The following CCDC73 variants were observed in gnomAD, a reference collection of about 807,000 sequenced individuals.
The protein encoded by CCDC73 is coiled-coil domain-containing protein 73.
In CCDC73, 95 loss-of-function variants were observed where a neutral mutation model predicts 116.5. The ratio of observed to expected loss-of-function variants is 0.82; its 90% confidence interval spans 0.69 to 0.97. CCDC73 has a LOEUF of 0.97. Ranked by LOEUF, CCDC73 falls within the 50% of genes least tolerant of loss-of-function variation. The pLI is 0.00. For synonymous variants in CCDC73, 398 were observed against 401.3 expected, an observed-to-expected ratio of 0.99 and a Z score of 0.10; for missense variants, 1,066 against 1,206.8, an observed-to-expected ratio of 0.88 and a Z score of 1.73.
chr11:32,708,967 G>A (rs1004074304), intron 3 of CCDC73, among the ~76,000 whole-genome samples: 4 of 152,080 alleles, frequency 2.6e-5, no homozygotes, highest in Non-Finnish European at 5.9e-5. Flanking sequence ...GGTGAAAGTG[G>A]GCATCCTTGT....
At chr11:32,665,756 A>G (rs202217854) in intron 9 of CCDC73, among the ~76,000 whole-genome samples, 2 of 152,274 alleles carry the variant, frequency 1.3e-5, no homozygotes, top group African/African-American at 2.4e-5. Flanking sequence ...CCTAGCATCA[A>G]TGGTCTCTAC....
intron 7 of CCDC73, among the ~76,000 whole-genome samples, chr11:32,679,394 C>G (rs1856123977): frequency 6.6e-6 from 1 of 151,996 alleles, no homozygotes; most frequent in Non-Finnish European, 1.5e-5. Flanking sequence ...GATGGAGTCT[C>G]TCTCTGTCAC....
At chr11:32,681,001 T>G (rs1471640916) in intron 7 of CCDC73, 1 of 152,030 alleles carries the variant, frequency 6.6e-6, no homozygotes, top group Non-Finnish European at 1.5e-5. Flanking sequence ...ACATAATATT[T>G]ATGATTATGA....
chr11:32,750,416 T>A (rs185911019), intron 2 of CCDC73, among the ~76,000 whole-genome samples: 1 of 152,304 alleles, frequency 6.6e-6, no homozygotes, highest in East Asian at 1.9e-4. Context: ...CAGTCTTGTA[T>A]CCTTCTTTTC....
chr11:32,615,942 T>A lies in CCDC73; in HGVS notation c.1373A>T (p.Asp458Val). 1 of 1,542,816 alleles carries A rather than the reference T, an allele frequency of 6.5e-7. No individual in the cohort carries two copies. The highest frequency in any genetic ancestry group is 1.2e-5 in the South Asian group (1 of 84,866). ...EGSFIEEIIIDDLQLFEKSFK... is the reference protein window; with the variant it reads ...EGSFIEEIIIVDLQLFEKSFK... ...TATCAATATAATTTTAAGGTTACCATCTATAATTATTTCCTCTATAAATGA... is the reference window on the plus strand; with the variant it reads ...TATCAATATAATTTTAAGGTTACCAACTATAATTATTTCCTCTATAAATGA... The change falls in exon 15 of 18, where the codon GAT (aspartate) becomes GTT (valine). Residue 458 changes from aspartate to valine, a missense_variant and splice_region_variant. Coordinates refer to ENST00000335185, the MANE Select transcript of CCDC73 (RefSeq NM_001008391.4).
chr11:32,781,050 G>A (rs1004929429), intron 1 of CCDC73, among the ~76,000 whole-genome samples: 1 of 152,180 alleles, frequency 6.6e-6, no homozygotes, highest in African/African-American at 2.4e-5. Context: ...TAGGAGGATT[G>A]CTTGAGCCCA....
At chr11:32,817,516 A>C in the CCDC73 span, among the ~76,000 whole-genome samples, 1 of 152,178 alleles carries the variant, frequency 6.6e-6, no homozygotes, top group Non-Finnish European at 1.5e-5. Flanking sequence ...TCATCCACTA[A>C]ATTTTTTAAC....
At position 32,632,603 on chromosome 11, in the gene CCDC73, T is replaced by A. The variant is rs776610059; in HGVS notation, c.1185+3093A>T. On this transcript the variant is annotated intron_variant, in intron 14 of 17. Coordinates refer to ENST00000335185, the MANE Select transcript of CCDC73 (RefSeq NM_001008391.4). ...CCAAGTCTTCTGTATCCTTACAGAT[T>A]GTGTGTGTGTGTGTGTATGTGTGTA... is the stretch of plus-strand genomic sequence containing the variant. Among the ~76,000 whole-genome samples the A allele has an allele frequency of 3.3e-4, 49 of 147,920 alleles. 1 individual carries two copies. Among genetic ancestry groups the A allele is most frequent in the Non-Finnish European group, 8.9e-5 (6 of 67,330 alleles).
At chr11:32,669,480 T>A (rs1358339304) in intron 9 of CCDC73, among the ~76,000 whole-genome samples, 1 of 152,128 alleles carries the variant, frequency 6.6e-6, no homozygotes, top group Admixed American at 6.5e-5. Context: ...CAATTACTAT[T>A]TAGTTATTTT....
At chr11:32,613,291 A>G (rs1278913114) in intron 16 of CCDC73, 131 bp downstream of exon 16, 19 of 750,322 alleles carry the variant, frequency 2.5e-5, no homozygotes, top group Non-Finnish European at 3.8e-5. Context: ...AAAACAAAAG[A>G]ATATTAAGTT....
intron 3 of CCDC73, among the ~76,000 whole-genome samples, chr11:32,708,527 A>C (rs1213790429): frequency 6.6e-6 from 1 of 152,192 alleles, no homozygotes; most frequent in Admixed American, 6.5e-5. Flanking sequence ...GATTCTAGTT[A>C]TCCATGAGCA....
At chr11:32,803,239 C>T in the CCDC73 span, among the ~76,000 whole-genome samples, 8 of 152,126 alleles carry the variant, frequency 5.3e-5, no homozygotes, top group South Asian at 2.1e-4. Context: ...TACAGATGTG[C>T]GCCACCACAT....
chr11:32,776,987 A>ATC (rs1850540816), intron 1 of CCDC73, among the ~76,000 whole-genome samples: 1 of 39,292 alleles, frequency 2.5e-5, no homozygotes. Flanking sequence ...ATATATACAC[A>ATC]TGTATATATA....
intron 3 of CCDC73, among the ~76,000 whole-genome samples, chr11:32,714,979 G>A (rs1849931997): frequency 6.6e-6 from 1 of 152,074 alleles, no homozygotes; most frequent in Non-Finnish European, 1.5e-5. Flanking sequence ...GAATGGTTGT[G>A]ACAGAGACCA....
At chr11:32,761,710 G>A (rs12792258) in intron 1 of CCDC73, among the ~76,000 whole-genome samples, 1 of 151,994 alleles carries the variant, frequency 6.6e-6, no homozygotes, top group African/African-American at 2.4e-5. Flanking sequence ...ATATGGGGGG[G>A]TGTATGTATA....
intron 4 of CCDC73, among the ~76,000 whole-genome samples, chr11:32,701,345 T>C (rs1024165580): frequency 6.6e-6 from 1 of 152,226 alleles, no homozygotes; most frequent in African/African-American, 2.4e-5. Flanking sequence ...ACAGTATTTA[T>C]GTTCAAGAAT....
At chr11:32,786,997 A>T in intron 1 of CCDC73, among the ~76,000 whole-genome samples, 1 of 152,150 alleles carries the variant, frequency 6.6e-6, no homozygotes, top group African/African-American at 2.4e-5. Flanking sequence ...ATGAGCCTGT[A>T]AGATTTTGCC....
chr11:32,614,478 C>T lies in CCDC73; in HGVS notation c.1840G>A (p.Ala614Thr), dbSNP rs760831794. 1 of 1,613,394 alleles carries T rather than the reference C, an allele frequency of 6.2e-7. No homozygotes were observed. The highest frequency in any genetic ancestry group is 8.5e-7 in the Non-Finnish European group (1 of 1,179,620). Residue 614 changes from alanine (A) to threonine (T), a missense_variant, in exon 16 of 18, where the codon GCT becomes ACT. By Grantham distance (58) the Ala-to-Thr change is moderately conservative (BLOSUM62 0). Coordinates refer to ENST00000335185, the MANE Select transcript of CCDC73 (RefSeq NM_001008391.4). ...FRLLPGTREH[A>T]LEKEITNSDQ... Reference sequence around the variant, plus strand: ...CTATTTGTAATTTCCTTCTCTAGAGCATGTTCTCGAGTCCCTGGAAGCAAT... The same window carrying T: ...CTATTTGTAATTTCCTTCTCTAGAGTATGTTCTCGAGTCCCTGGAAGCAAT...
At chr11:32,798,010 G>T (rs1850737893), upstream of CCDC73, among the ~76,000 whole-genome samples, 1 of 152,192 alleles carries the variant, frequency 6.6e-6, no homozygotes, top group Non-Finnish European at 1.5e-5. Context: ...CATGCACAAA[G>T]TTATTAAAAA....
Sources: gnomAD v4.1 joint callset for allele counts (sites outside exome capture counted in the v4.1 genomes callset) on GRCh38, gnomAD v4.1.1 for gene constraint, MANE v1.5 for transcripts, NCBI Gene and HGNC (gene_info 2026-07-23, HGNC 2026-07-21) for gene names.